FHAD1: variants seen among roughly 807,000 people sequenced by gnomAD.
The protein encoded by FHAD1 is forkhead associated phosphopeptide binding domain 1.
In FHAD1, 146 loss-of-function variants were observed where a neutral mutation model predicts 191.3. The ratio of observed to expected loss-of-function variants is 0.76; its 90% CI spans 0.67 to 0.88. The LOEUF is 0.88. Ranked by LOEUF, FHAD1 falls within the 40% of genes least tolerant of loss-of-function variation. The pLI is 0.00. For synonymous variants in FHAD1, 616 were observed against 672.3 expected (o/e 0.92, Z 1.29); for missense variants, 1,635 against 1,785.8 (o/e 0.92, Z 1.52).
chr1:15,252,955 A>G (rs1328345911), intron 2 of FHAD1, among the ~76,000 whole-genome samples: 12 of 152,166 alleles, frequency 7.9e-5, no homozygotes, highest in Non-Finnish European at 1.0e-4. Context: ...ATCTCTTTAT[A>G]ACTGTGAGAA....
chr1:15,286,045 G>A (rs1662298121), intron 3 of FHAD1, among the ~76,000 whole-genome samples: 1 of 152,236 alleles, frequency 6.6e-6, no homozygotes, highest in Non-Finnish European at 1.5e-5. Context: ...CGGCTCTGAG[G>A]AGAGGAGAAG....
intron 10 of FHAD1, among the ~76,000 whole-genome samples, chr1:15,322,292 C>A (rs1402377162): frequency 6.6e-6 from 1 of 152,160 alleles, no homozygotes; most frequent in East Asian, 1.9e-4. Flanking sequence ...AAAATGATAG[C>A]CACAATTTTG....
At chr1:15,239,734 G>C (rs1388925622) in intron 1 of FHAD1, among the ~76,000 whole-genome samples, 2 of 152,258 alleles carry the variant, frequency 1.3e-5, no homozygotes, top group Admixed American at 1.3e-4. Context: ...AGGACCTCCT[G>C]TTCCAAGGAA....
chr1:15,378,490 C>G (rs1382805751), intron 28 of FHAD1, among the ~76,000 whole-genome samples: 2 of 152,180 alleles, frequency 1.3e-5, no homozygotes, highest in Non-Finnish European at 2.9e-5. Context: ...GTCACCCTCC[C>G]TCCGGACTCC....
At chr1:15,305,308 C>A (rs1670109448) in intron 6 of FHAD1, among the ~76,000 whole-genome samples, 1 of 152,148 alleles carries the variant, frequency 6.6e-6, no homozygotes, top group African/African-American at 2.4e-5. Context: ...AATTGGTGTC[C>A]TCCCTACCTT....
At chr1:15,293,499 C>T (rs1315497284) in intron 4 of FHAD1, among the ~76,000 whole-genome samples, 3 of 152,178 alleles carry the variant, frequency 2.0e-5, no homozygotes, top group Non-Finnish European at 4.4e-5. Context: ...GAGGGCGAAT[C>T]ACAAGGTCGG....
At chr1:15,358,040 G>A (rs1693449129) in intron 20 of FHAD1, 70 bp from the exon 21 acceptor site, 2 of 1,092,516 alleles carry the variant, frequency 1.8e-6, no homozygotes, top group South Asian at 1.7e-5. Context: ...CTTGAAGGTG[G>A]GGGATAAGGG....
intron 5 of FHAD1, among the ~76,000 whole-genome samples, chr1:15,298,335 G>A (rs543796974): frequency 2.0e-5 from 3 of 152,310 alleles, no homozygotes; most frequent in East Asian, 1.9e-4. Context: ...CTATGAGGAC[G>A]CAAAGGCATA....
chr1:15,267,583 G>T (rs984764816), intron 2 of FHAD1, among the ~76,000 whole-genome samples: 2 of 151,794 alleles, frequency 1.3e-5, no homozygotes, highest in African/African-American at 2.4e-5. Flanking sequence ...ATCTGGGCCT[G>T]GTGCTTTCTG....
Position 15,375,702 on chromosome 1 carries a change from CAACTCTCTCAAGAAT to C in FHAD1, c.3679_3693del (p.Thr1227_Ile1231del). 6.5e-7 allele frequency: 1 copy of C among 1,545,938 alleles called. No individual in the cohort carries two copies. Among genetic ancestry groups the C allele is most frequent in the Non-Finnish European group, 8.7e-7 (1 of 1,145,398 alleles). Reference sequence around the variant, plus strand: ...CTACTGGATGCAAAACCGGATTTGCCAACTCTCTCAAGAATAGAGATCCTAGCGGTAACCAAAGAA... The same window carrying C: ...CTACTGGATGCAAAACCGGATTTGCCAGAGATCCTAGCGGTAACCAAAGAA... On this transcript the variant is annotated inframe_deletion, in exon 28 of 34. Coordinates refer to ENST00000688493, the MANE Select transcript of FHAD1 (RefSeq NM_001391957.1).
intron 6 of FHAD1, among the ~76,000 whole-genome samples, chr1:15,307,736 T>C (rs984768863): frequency 4.1e-5 from 6 of 147,356 alleles, no homozygotes; most frequent in African/African-American, 1.2e-4. Flanking sequence ...CTCTTTCTCT[T>C]TTTTTTTTTT....
intron 2 of FHAD1, 55 bp downstream of exon 2, chr1:15,251,932 C>G: frequency 1.4e-6 from 2 of 1,409,958 alleles, no homozygotes; most frequent in South Asian, 1.3e-5. Context: ...CCTTCTCCCT[C>G]TCTAACAGTC....
upstream of FHAD1, among the ~76,000 whole-genome samples, chr1:15,244,819 T>C (rs12038868): frequency 0.14 from 21,473 of 152,202 alleles, 2,023 homozygotes; most frequent in South Asian, 0.35. This position sits in a 1 kb window ranked among gnomAD's most constrained non-coding sequence, Gnocchi z 5.1. Context: ...GAGTTGATGA[T>C]AAGTGATGTA....
intron 3 of FHAD1, among the ~76,000 whole-genome samples, chr1:15,273,129 G>A (rs10927756): frequency 0.091 from 13,864 of 152,218 alleles, 807 homozygotes; most frequent in South Asian, 0.25. Context: ...CTCCATGGGA[G>A]ATTCTAATTT....
chr1:15,336,539 G>A (rs377603504), intron 14 of FHAD1, among the ~76,000 whole-genome samples: 3 of 151,872 alleles, frequency 2.0e-5, no homozygotes, highest in Admixed American at 6.6e-5. Context: ...TTTCTTTGGC[G>A]TCAGCGGCCT....
chr1:15,353,028 C>G (rs1006973726), intron 20 of FHAD1, 44 bp downstream of exon 20: 1 of 1,396,732 alleles, frequency 7.2e-7, no homozygotes, highest in African/African-American at 1.4e-5. Context: ...CCCAGCACAG[C>G]GAAGGGCAGT....
At chr1:15,336,630 T>C (rs1684224088) in intron 14 of FHAD1, among the ~76,000 whole-genome samples, 1 of 152,218 alleles carries the variant, frequency 6.6e-6, no homozygotes, top group African/African-American at 2.4e-5. Flanking sequence ...AAATCATTCT[T>C]CTCTGGAATC....
At chr1:15,365,705 G>A in intron 23 of FHAD1, 122 bp from the exon 24 acceptor site, 1 of 622,652 alleles carries the variant, frequency 1.6e-6, no homozygotes, top group Non-Finnish European at 2.9e-6. Context: ...CCTTTGCTGG[G>A]ACTGGCGTTG....
At chr1:15,313,954 G>A (rs903817112) in intron 8 of FHAD1, among the ~76,000 whole-genome samples, 2 of 151,936 alleles carry the variant, frequency 1.3e-5, no homozygotes, top group Non-Finnish European at 2.9e-5. Context: ...CAGCTACTCA[G>A]GAGGCTGAGG....
Sources: gnomAD v4.1 joint callset for allele counts (sites outside exome capture counted in the v4.1 genomes callset) on GRCh38, gnomAD v4.1.1 for gene constraint, Gnocchi (gnomAD v3.1) non-coding constraint, MANE v1.5 for transcripts, NCBI Gene and HGNC (gene_info 2026-07-23, HGNC 2026-07-21) for gene names.